Variants in RAB10 observed in about 807,000 individuals in gnomAD.
RAB10 encodes ras-related protein Rab-10.
A neutral mutation model predicts 25.7 loss-of-function variants in RAB10; 5 were observed. That is an observed-to-expected ratio of 0.19 (90% CI 0.10 to 0.41). RAB10 has a LOEUF of 0.41. Among genes scored for constraint, RAB10 ranks in the 10% least tolerant of loss-of-function variants. The pLI is 1.00. For missense variants in RAB10, 103 were observed against 245.8 expected (o/e 0.42, Z 3.89); for synonymous variants, 89 against 86.4 (o/e 1.03, Z -0.16).
intron 5 of RAB10, among the ~76,000 whole-genome samples, chr2:26,132,473 C>A (rs1668029045): frequency 6.6e-6 from 1 of 152,130 alleles, no homozygotes; most frequent in Admixed American, 6.5e-5. Flanking sequence ...AGACTGGTCT[C>A]GAAGTCCTGA....
At chr2:26,085,793 T>G (rs1363965862) in intron 1 of RAB10, among the ~76,000 whole-genome samples, 4 of 151,686 alleles carry the variant, frequency 2.6e-5, no homozygotes, top group African/African-American at 9.7e-5. Flanking sequence ...GGTCGAGAGT[T>G]CGAGACCAGC....
At chr2:26,034,075 C>G (rs1301245396), upstream of RAB10, 6 of 403,606 alleles carry the variant, frequency 1.5e-5, no homozygotes, top group East Asian at 2.1e-4. Context: ...GGCGTACGCC[C>G]TTGCGTGCGT....
At chr2:26,056,171 G>C (rs564013715) in intron 1 of RAB10, among the ~76,000 whole-genome samples, 1 of 152,072 alleles carries the variant, frequency 6.6e-6, no homozygotes, top group Non-Finnish European at 1.5e-5. Flanking sequence ...GATTACAGGC[G>C]TGAGCCACCG....
chr2:26,115,753 C>G (rs1426602661), intron 3 of RAB10, among the ~76,000 whole-genome samples: 1 of 151,930 alleles, frequency 6.6e-6, no homozygotes, highest in East Asian at 1.9e-4. Flanking sequence ...AAACTCAAAA[C>G]TGTTATTTTT....
intron 3 of RAB10, among the ~76,000 whole-genome samples, chr2:26,123,054 C>T (rs1667838200): frequency 6.6e-6 from 1 of 152,088 alleles, no homozygotes; most frequent in Non-Finnish European, 1.5e-5. Context: ...GTTGCTAACC[C>T]CCAAGACCTG....
intron 1 of RAB10, among the ~76,000 whole-genome samples, chr2:26,071,282 TGAAA>T (rs925669685): frequency 6.6e-6 from 1 of 152,244 alleles, no homozygotes; most frequent in Admixed American, 6.5e-5. Context: ...CATTTATCCT[TGAAA>T]GAACAACTGG....
intron 1 of RAB10, among the ~76,000 whole-genome samples, chr2:26,043,627 G>A (rs7579199): frequency 0.76 from 115,929 of 152,096 alleles, 44,282 homozygotes; most frequent in East Asian, 0.87. Context: ...ACATGGATAC[G>A]CCTTGAAAAT....
chr2:26,050,619 G>A (rs1456135030), intron 1 of RAB10, among the ~76,000 whole-genome samples: 1 of 151,474 alleles, frequency 6.6e-6, no homozygotes, highest in Non-Finnish European at 1.5e-5. Context: ...TTAATTTCTG[G>A]TAGTTTTTTC....
At chr2:26,033,295 G>A (rs1364618486), upstream of RAB10, among the ~76,000 whole-genome samples, 1 of 152,258 alleles carries the variant, frequency 6.6e-6, no homozygotes, top group Middle Eastern at 3.4e-3. Context: ...CCTGAAGGAC[G>A]GCAAAGGCCT....
chr2:26,056,394 T>G (rs1174587488), intron 1 of RAB10, among the ~76,000 whole-genome samples: 1 of 151,964 alleles, frequency 6.6e-6, no homozygotes, highest in African/African-American at 2.4e-5. Context: ...ATAGTGGGTT[T>G]CACCTTGTTG....
At chr2:26,092,298 TGTGTGTGTGTGTGTGTGTGTGTG>T (rs1474320328) in intron 1 of RAB10, among the ~76,000 whole-genome samples, 106 of 135,732 alleles carry the variant, frequency 7.8e-4, no homozygotes, top group Non-Finnish European at 1.3e-3. Context: ...TGTGTGTGTG[TGTGTGTGTGTGTGTGTGTGTGTG>T]TTGGGGTGGT....
At chr2:26,033,313 G>GT (rs1469902777), upstream of RAB10, among the ~76,000 whole-genome samples, 1 of 152,148 alleles carries the variant, frequency 6.6e-6, no homozygotes, top group Admixed American at 6.5e-5. Context: ...CCTGAAGCAG[G>GT]TTCTCTGAGC....
At position 26,115,268 on chromosome 2, in the gene RAB10, C is replaced by T. The variant is rs144053715; in HGVS notation, c.327+5362C>T. Among the ~76,000 whole-genome samples, 7 of 152,006 alleles carry T rather than the reference C, an allele frequency of 4.6e-5. No individual in the cohort carries two copies. The East Asian group carries it at 1.4e-3, about 29-fold the overall frequency. On this transcript the variant is annotated intron_variant, in intron 3 of 5. Transcript: ENST00000264710. ...ACCCAAGAGAATTAACAATATATATCCACAAAAGGTGTACACAAGTATTTA... is the reference window on the plus strand; with the variant it reads ...ACCCAAGAGAATTAACAATATATATTCACAAAAGGTGTACACAAGTATTTA...
intron 1 of RAB10, among the ~76,000 whole-genome samples, chr2:26,072,878 T>C (rs924613920): frequency 2.0e-5 from 3 of 152,248 alleles, no homozygotes; most frequent in Non-Finnish European, 4.4e-5. Flanking sequence ...ATTAAATACT[T>C]AAATTGTTTT....
chr2:26,100,072 T>G (rs1342052303), intron 2 of RAB10, among the ~76,000 whole-genome samples: 1 of 152,164 alleles, frequency 6.6e-6, no homozygotes, highest in Non-Finnish European at 1.5e-5. Flanking sequence ...CTTGCCTCAC[T>G]ATTTCTAGGC....
chr2:26,097,304 C>T (rs1667243168), intron 1 of RAB10, among the ~76,000 whole-genome samples: 1 of 152,134 alleles, frequency 6.6e-6, no homozygotes, highest in South Asian at 2.1e-4. Context: ...GACGGAGTCT[C>T]ACTCTGTCGC....
At chr2:26,084,577 A>G (rs1559588351) in intron 1 of RAB10, among the ~76,000 whole-genome samples, 1 of 152,204 alleles carries the variant, frequency 6.6e-6, no homozygotes, top group Admixed American at 6.5e-5. Context: ...TTATTATTAC[A>G]GTTGATTGCA....
Position 26,034,636 on chromosome 2 carries a change from T to C in RAB10, c.28T>C (p.Phe10Leu). 5 of 1,614,130 alleles carry C rather than the reference T, an allele frequency of 3.1e-6. No homozygotes were observed. Among genetic ancestry groups the C allele is most frequent in the Non-Finnish European group, 4.2e-6 (5 of 1,180,048 alleles). Residue 10 changes from phenylalanine (F) to leucine (L), a missense_variant, in exon 1 of 6, where the codon TTC (phenylalanine) becomes CTC (leucine). Phe to Leu is a conservative substitution (Grantham distance 22, BLOSUM62 0). Coordinates refer to ENST00000264710, the MANE Select transcript of RAB10 (RefSeq NM_016131.5). ...GGCGAAGAAGACGTACGACCTGCTT[T>C]TCAAGCTGCTCCTGATCGGGGATTC... MAKKTYDLL[F>L]KLLLIGDSGV... is the part of the protein sequence containing the mutation.
intron 1 of RAB10, among the ~76,000 whole-genome samples, chr2:26,059,837 AC>A (rs1666358497): frequency 6.6e-6 from 1 of 150,988 alleles, no homozygotes. Flanking sequence ...GATACGTTTC[AC>A]AACACTGAAA....
Sources: gnomAD v4.1 joint callset for allele counts (sites outside exome capture counted in the v4.1 genomes callset) on GRCh38, gnomAD v4.1.1 for gene constraint, MANE v1.5 for transcripts, NCBI Gene and HGNC (gene_info 2026-07-23, HGNC 2026-07-21) for gene names.